Variants in ZMYND11 observed in about 807,000 individuals in gnomAD.
The protein encoded by ZMYND11 is zinc finger MYND domain-containing protein 11.
ZMYND11 carries 9 observed loss-of-function variants against 84.9 expected under a neutral mutation model. The observed-to-expected ratio is 0.11, with a 90% confidence interval of 0.06 to 0.18. The LOEUF (loss-of-function observed/expected upper bound fraction) is 0.18, where lower values mean the gene tolerates loss of function less well. ZMYND11 is among the 10% of genes least tolerant of loss of function. The pLI, the probability that ZMYND11 is intolerant of heterozygous loss-of-function variation, is 1.00. For synonymous variants in ZMYND11, 250 were observed against 244.1 expected (o/e 1.02, Z -0.23); for missense variants, 409 against 761.0 (o/e 0.54, Z 5.44).
At chr10:226,734 T>C (rs1302136578) in intron 4 of ZMYND11, among the ~76,000 whole-genome samples, 2 of 152,154 alleles carry the variant, frequency 1.3e-5, no homozygotes, top group African/African-American at 4.8e-5. Context: ...GGAATACCGC[T>C]CCACTGAAAT....
At chr10:157,430 C>T (rs1261261296) in intron 1 of ZMYND11, among the ~76,000 whole-genome samples, 1 of 152,092 alleles carries the variant, frequency 6.6e-6, no homozygotes, top group Non-Finnish European at 1.5e-5. Context: ...AAACTCCTGA[C>T]CTCAAGTGAT....
At chr10:190,483 C>T (rs1186508975) in intron 2 of ZMYND11, among the ~76,000 whole-genome samples, 3 of 152,198 alleles carry the variant, frequency 2.0e-5, no homozygotes, top group Non-Finnish European at 4.4e-5. Flanking sequence ...ACGCCCTTCC[C>T]AGACTCCTCC....
chr10:200,397 A>G (rs1417333781), intron 2 of ZMYND11, among the ~76,000 whole-genome samples: 1 of 146,678 alleles, frequency 6.8e-6, no homozygotes, highest in Non-Finnish European at 1.5e-5. Context: ...AATATATATT[A>G]TATATACACC....
intron 2 of ZMYND11, among the ~76,000 whole-genome samples, chr10:197,043 G>A (rs1204468520): frequency 6.7e-6 from 1 of 150,046 alleles, no homozygotes; most frequent in Non-Finnish European, 1.5e-5. Flanking sequence ...GTTCACGTGT[G>A]TGCCCACGTG....
rs868708021 is a variant in ZMYND11 at position 231,904 on chromosome 10, T to C, written c.439-4934T>C. 5.9e-5 allele frequency among the ~76,000 whole-genome samples: 9 copies of C among 152,336 alleles called. No homozygotes were observed. The South Asian group carries it at 8.3e-4, about 14-fold the overall frequency. ...ACTTTGCCATCTCATAGAATGTTTC[T>C]TTCTTGATGATTTGTAAAAGTTGAC... On this transcript the variant is annotated intron_variant, in intron 4 of 14. Coordinates refer to ENST00000381604, the MANE Select transcript of ZMYND11 (RefSeq NM_001370100.5).
At chr10:251,852 C>G (rs1402481826) in intron 14 of ZMYND11, among the ~76,000 whole-genome samples, 3 of 151,948 alleles carry the variant, frequency 2.0e-5, no homozygotes, top group African/African-American at 7.3e-5. Context: ...CCAGACATTG[C>G]CAAATAAGAT....
chr10:206,713 C>A (rs1351205318), intron 2 of ZMYND11, among the ~76,000 whole-genome samples: 3 of 152,158 alleles, frequency 2.0e-5, no homozygotes, highest in Non-Finnish European at 4.4e-5. Flanking sequence ...ACTAAAAAGA[C>A]AAACATGTCT....
At chr10:247,496 G>A (rs370971878) in intron 12 of ZMYND11, 30 bp downstream of exon 12, 4 of 1,606,268 alleles carry the variant, frequency 2.5e-6, no homozygotes, top group African/African-American at 1.3e-5. Flanking sequence ...GTATCCAGGT[G>A]GCAAATGAAA....
chr10:218,020 T>C (rs942199124), intron 3 of ZMYND11, among the ~76,000 whole-genome samples: 2 of 152,240 alleles, frequency 1.3e-5, no homozygotes, highest in Non-Finnish European at 2.9e-5. Flanking sequence ...ACCACACTCA[T>C]ATTCATCATT....
In ZMYND11 at chr10:253,446, T is replaced by C. The variant is rs1953867733; in HGVS notation, c.*976T>C. 1 of 152,648 alleles carries C rather than the reference T, an allele frequency of 6.6e-6. No homozygotes were observed. The highest frequency in any genetic ancestry group is 1.5e-5 in the Non-Finnish European group (1 of 68,038). The allele number at this position is 152,648 out of a possible 1,614,324, so 9.5% of individuals were successfully genotyped here. The stretch of plus-strand genomic sequence containing the variant: ...CCGTTATGTTTGTAGTAATGGGTCA[T>C]TGCCTACTAATGAACTCCATCACTG... On this transcript the variant is annotated 3_prime_UTR_variant, in exon 15 of 15. Coordinates refer to ENST00000381604, the MANE Select transcript of ZMYND11 (RefSeq NM_001370100.5).
chr10:238,351 C>G (rs540230256), intron 6 of ZMYND11, among the ~76,000 whole-genome samples: 13 of 151,322 alleles, frequency 8.6e-5, no homozygotes, highest in South Asian at 2.1e-4. Flanking sequence ...AATCATCTTA[C>G]AAGTTTCTTT....
intron 11 of ZMYND11, 79 bp from the exon 12 acceptor site, chr10:247,319 T>C (rs1273080801): frequency 6.8e-7 from 1 of 1,468,704 alleles, no homozygotes. Flanking sequence ...TTCTCACCTG[T>C]GGGTCCACTA....
intron 1 of ZMYND11, among the ~76,000 whole-genome samples, chr10:173,922 G>A (rs1488648373): frequency 6.6e-6 from 1 of 152,198 alleles, no homozygotes; most frequent in Non-Finnish European, 1.5e-5. Context: ...TGATGAGGAT[G>A]TGGAACAATA....
At chr10:214,069 A>G (rs1368954036) in intron 3 of ZMYND11, among the ~76,000 whole-genome samples, 1 of 152,040 alleles carries the variant, frequency 6.6e-6, no homozygotes, top group Non-Finnish European at 1.5e-5. Context: ...CTTCTTTTGG[A>G]CTGCAGTTAT....
Position 252,598 on chromosome 10 carries a change from A to G in ZMYND11, c.*128A>G. Reference sequence around the variant, plus strand: ...ACCAGCCTTTAAACACTTTTCGTGAAGAAATTTTGCACAGTAGTTTAAATC... The same window carrying G: ...ACCAGCCTTTAAACACTTTTCGTGAGGAAATTTTGCACAGTAGTTTAAATC... On this transcript the variant is annotated 3_prime_UTR_variant, in exon 15 of 15. Transcript: ENST00000381604. This position sits in a 1 kb window ranked among gnomAD's most constrained non-coding sequence, Gnocchi z 4.6. The G allele has an allele frequency of 1.5e-6, 2 of 1,356,984 alleles. No individual in the cohort carries two copies. Among genetic ancestry groups the G allele is most frequent in the Non-Finnish European group, 1.9e-6 (2 of 1,031,676 alleles). 84.1% of individuals were successfully genotyped at this position (1,356,984 alleles called of 1,614,324 possible).
intron 1 of ZMYND11, among the ~76,000 whole-genome samples, chr10:170,950 A>G (rs1845174921): frequency 1.3e-5 from 2 of 152,154 alleles, no homozygotes; most frequent in South Asian, 4.1e-4. Flanking sequence ...CCAGAAACCC[A>G]CTTTAAATAT....
intron 4 of ZMYND11, among the ~76,000 whole-genome samples, chr10:232,471 A>G (rs1279499567): frequency 1.3e-5 from 2 of 152,184 alleles, no homozygotes; most frequent in Non-Finnish European, 2.9e-5. Context: ...ATTGGGAGGG[A>G]TTTTGGTTCT....
chr10:247,312 TCAC>T (rs1952351585), intron 11 of ZMYND11, 83 bp from the exon 12 acceptor site: 2 of 1,427,316 alleles, frequency 1.4e-6, no homozygotes, highest in East Asian at 4.8e-5. Flanking sequence ...TATTCACTTC[TCAC>T]CTGTGGGTCC....
chr10:161,848 A>G (rs556805772), intron 1 of ZMYND11, among the ~76,000 whole-genome samples: 38 of 152,302 alleles, frequency 2.5e-4, no homozygotes, highest in African/African-American at 8.9e-4. Flanking sequence ...TCAGACCACT[A>G]AAATATTTTC....
Sources: gnomAD v4.1 joint callset for allele counts (sites outside exome capture counted in the v4.1 genomes callset) on GRCh38, gnomAD v4.1.1 for gene constraint, Gnocchi (gnomAD v3.1) non-coding constraint, MANE v1.5 for transcripts, NCBI Gene and HGNC (gene_info 2026-07-23, HGNC 2026-07-21) for gene names.